CASZ1: variants seen among roughly 807,000 people sequenced by gnomAD.
CASZ1 encodes castor zinc finger 1.
A neutral mutation model predicts 135.2 loss-of-function variants in CASZ1; 28 were observed. The observed-to-expected ratio is 0.21, with a 90% CI of 0.15 to 0.28. The LOEUF (loss-of-function observed/expected upper bound fraction) is 0.28. Among genes scored for constraint, CASZ1 ranks in the 10% least tolerant of loss-of-function variants. The probability of loss-of-function intolerance (pLI) is 1.00; values close to 1 mark genes in which losing one functional copy is unlikely to be tolerated. For missense variants in CASZ1, 2,161 were observed against 2,453.3 expected (o/e 0.88, Z 2.52); for synonymous variants, 1,068 against 1,073.4 (o/e 0.99, Z 0.10).
At chr1:10,733,074 AG>A (rs1639731450) in intron 2 of CASZ1, among the ~76,000 whole-genome samples, 1 of 152,166 alleles carries the variant, frequency 6.6e-6, no homozygotes, top group Non-Finnish European at 1.5e-5. Flanking sequence ...GGAATTTTCC[AG>A]GGAAACTTCA....
rs1641036513 is a variant in CASZ1, at chr1:10,794,955, G to A, written c.-234+1609C>T. Among the ~76,000 whole-genome samples the A allele has an allele frequency of 6.7e-6, 1 of 150,110 alleles. No individual in the cohort carries two copies. The highest frequency in any genetic ancestry group is 1.5e-5 in the Non-Finnish European group (1 of 67,418). ...GCCTCTGCCCGCACCTCGCCACCCCGGCGGCCGCCCCCTCCCCTTCCAGAC... is the reference window on the plus strand; with the variant it reads ...GCCTCTGCCCGCACCTCGCCACCCCAGCGGCCGCCCCCTCCCCTTCCAGAC... On this transcript the variant is annotated intron_variant, in intron 1 of 20. Coordinates refer to ENST00000377022, the MANE Select transcript of CASZ1 (RefSeq NM_001079843.3). The surrounding 1 kb of genome is among the most constrained non-coding windows in gnomAD (Gnocchi z 5.6).
At chr1:10,785,384 C>T (rs551601770) in intron 1 of CASZ1, among the ~76,000 whole-genome samples, 2 of 152,166 alleles carry the variant, frequency 1.3e-5, no homozygotes, top group Admixed American at 6.5e-5. Context: ...TGGAGTTCGT[C>T]ATGGAAATTA....
intron 2 of CASZ1, among the ~76,000 whole-genome samples, chr1:10,722,868 T>G (rs1354762560): frequency 6.6e-6 from 1 of 152,226 alleles, no homozygotes; most frequent in Non-Finnish European, 1.5e-5. Flanking sequence ...CAAAAAGGCC[T>G]GCCCCCGCAC....
intron 2 of CASZ1, among the ~76,000 whole-genome samples, chr1:10,722,979 G>T (rs924440886): frequency 6.6e-6 from 1 of 152,268 alleles, no homozygotes; most frequent in African/African-American, 2.4e-5. Context: ...GGTGAGCCGG[G>T]TCTGCCACTG....
chr1:10,648,912 G>A (rs1642461482), intron 15 of CASZ1, 158 bp downstream of exon 15: 1 of 1,006,102 alleles, frequency 9.9e-7, no homozygotes. Context: ...TGTGAAGGAG[G>A]ATGGGAAGCC....
chr1:10,655,262 C>G (rs1192128456), intron 9 of CASZ1, among the ~76,000 whole-genome samples: 4 of 152,208 alleles, frequency 2.6e-5, no homozygotes, highest in African/African-American at 9.7e-5. Context: ...CCTCCTGGCC[C>G]TGACACCTTG....
intron 2 of CASZ1, among the ~76,000 whole-genome samples, chr1:10,760,002 GC>G (rs1274480663): frequency 2.0e-5 from 3 of 152,144 alleles, no homozygotes; most frequent in Non-Finnish European, 4.4e-5. Context: ...CCCAAGAACT[GC>G]CACGTTTGAT....
intron 13 of CASZ1, chr1:10,650,482 G>C (rs1257150418): frequency 5.9e-6 from 3 of 511,910 alleles, no homozygotes; most frequent in Non-Finnish European, 6.8e-6. Flanking sequence ...TCAGAGGCTG[G>C]AATATATTTC....
In CASZ1 at chr1:10,700,217, G is replaced by A. The variant is rs570169287; in HGVS notation, c.-24+5275C>T. 6.6e-6 allele frequency among the ~76,000 whole-genome samples: 1 copy of A among 152,190 alleles called. No individual in the cohort carries two copies. The highest frequency in any genetic ancestry group is 2.4e-5 in the African/African-American group (1 of 41,456). On this transcript the variant is annotated intron_variant, in intron 3 of 20. Transcript: ENST00000377022. This position sits in a 1 kb window ranked among gnomAD's most constrained non-coding sequence, Gnocchi z 4.2. Reference sequence around the variant, plus strand: ...GGGACCTGTTCTGGAATGTTGGGTTGGCATTTTGTCTCAGTTACAATGATC... The same window carrying A: ...GGGACCTGTTCTGGAATGTTGGGTTAGCATTTTGTCTCAGTTACAATGATC...
Position 10,741,564 on chromosome 1 carries a change from C to T in CASZ1, c.-77+19137G>A, listed in dbSNP as rs1312752185. Among the ~76,000 whole-genome samples the T allele has an allele frequency of 2.0e-5, 3 of 152,154 alleles. No homozygotes were observed. Among genetic ancestry groups the T allele is most frequent in the South Asian group, 2.1e-4 (1 of 4,818 alleles). On this transcript the variant is annotated intron_variant, in intron 2 of 20. Transcript: ENST00000377022. This position sits in a 1 kb window ranked among gnomAD's most constrained non-coding sequence, Gnocchi z 5.0. ...GAGATTTAGATATTTACGGGAAATA[C>T]ATTTGTTGGTGCCAAACCCCTGGTT...
chr1:10,682,808 T>C (rs1165833250), intron 4 of CASZ1, among the ~76,000 whole-genome samples: 1 of 152,216 alleles, frequency 6.6e-6, no homozygotes, highest in African/African-American at 2.4e-5. Flanking sequence ...AAGTGATCCT[T>C]CCTATCAGGG....
At chr1:10,785,999 C>T (rs553821085) in intron 1 of CASZ1, among the ~76,000 whole-genome samples, 2 of 152,366 alleles carry the variant, frequency 1.3e-5, no homozygotes, top group East Asian at 1.9e-4. Context: ...AAACACAATT[C>T]GCCTTCAGCT....
At chr1:10,669,800 G>T (rs942251414) in intron 4 of CASZ1, among the ~76,000 whole-genome samples, 6 of 152,082 alleles carry the variant, frequency 3.9e-5, no homozygotes, top group African/African-American at 4.8e-5. Flanking sequence ...GGCCGGGCAG[G>T]CCTGGCAGCC....
chr1:10,785,245 T>G (rs562412925), intron 1 of CASZ1, among the ~76,000 whole-genome samples: 63 of 151,134 alleles, frequency 4.2e-4, no homozygotes, highest in African/African-American at 1.4e-3. Flanking sequence ...CTTTCCTTCC[T>G]TCTCATCTTT....
intron 1 of CASZ1, among the ~76,000 whole-genome samples, chr1:10,764,875 C>A (rs564929380): frequency 3.7e-4 from 56 of 152,312 alleles, no homozygotes; most frequent in Admixed American, 1.2e-3. Flanking sequence ...AGGATGAACC[C>A]CTGAACACAT....
intron 1 of CASZ1, among the ~76,000 whole-genome samples, chr1:10,795,166 C>G (rs1283901227): frequency 1.3e-5 from 2 of 152,016 alleles, no homozygotes; most frequent in Admixed American, 6.5e-5. Context: ...CGGCCCCCTG[C>G]CCCGGGAGAT....
Position 10,694,633 on chromosome 1 carries a change from G to A in CASZ1, c.-23-721C>T, listed in dbSNP as rs1299474046. Among the ~76,000 whole-genome samples the A allele has an allele frequency of 7.1e-6, 1 of 141,392 alleles. No individual in the cohort carries two copies. Among genetic ancestry groups the A allele is most frequent in the Non-Finnish European group, 1.6e-5 (1 of 64,190 alleles). 92.8% of individuals were successfully genotyped at this position (141,392 alleles called of 152,430 possible). A position where few individuals can be genotyped will look rare whatever the true frequency, so the allele number is the denominator to read the frequency against. On this transcript the variant is annotated intron_variant, in intron 3 of 20. Coordinates refer to ENST00000377022, the MANE Select transcript of CASZ1 (RefSeq NM_001079843.3). The surrounding 1 kb of genome is among the most constrained non-coding windows in gnomAD (Gnocchi z 6.6). ...GCCGCCGCCGCCGCCCGGTGCGCCCGCCCGCCGCCCGCCGCCCGGTGCCGG... is the reference window on the plus strand; with the variant it reads ...GCCGCCGCCGCCGCCCGGTGCGCCCACCCGCCGCCCGCCGCCCGGTGCCGG...
chr1:10,769,693 T>C (rs1640540516), intron 1 of CASZ1, among the ~76,000 whole-genome samples: 1 of 152,096 alleles, frequency 6.6e-6, no homozygotes, highest in African/African-American at 2.4e-5. Flanking sequence ...ATTTTTGTAT[T>C]TTTAGTAGAG....
intron 2 of CASZ1, among the ~76,000 whole-genome samples, chr1:10,737,997 A>G (rs1639833907): frequency 6.6e-6 from 1 of 151,520 alleles, no homozygotes; most frequent in Non-Finnish European, 1.5e-5. Context: ...AACACCCACA[A>G]TGTGCCTCAT....
Sources: gnomAD v4.1 joint callset for allele counts (sites outside exome capture counted in the v4.1 genomes callset) on GRCh38, gnomAD v4.1.1 for gene constraint, Gnocchi (gnomAD v3.1) non-coding constraint, MANE v1.5 for transcripts, NCBI Gene and HGNC (gene_info 2026-07-23, HGNC 2026-07-21) for gene names.